Variants in OSBPL3 observed in about 807,000 individuals in gnomAD.
OSBPL3 encodes oxysterol-binding protein-related protein 3.
In OSBPL3, 65 loss-of-function variants were observed where a neutral mutation model predicts 120.1. The ratio of observed to expected loss-of-function variants is 0.54; its 90% CI spans 0.44 to 0.67. The LOEUF (loss-of-function observed/expected upper bound fraction) is 0.67, where lower values mean the gene tolerates loss of function less well. OSBPL3 is among the 30% of genes least tolerant of loss of function. OSBPL3 has a pLI of 0.00. For synonymous variants in OSBPL3, 416 were observed against 402.6 expected, an observed-to-expected ratio of 1.03 and a Z score of -0.40; for missense variants, 1,004 against 1,082.1, an observed-to-expected ratio of 0.93 and a Z score of 1.01.
intron 1 of OSBPL3, among the ~76,000 whole-genome samples, chr7:24,975,844 A>G (rs1468255786): frequency 2.6e-5 from 4 of 152,244 alleles, no homozygotes; most frequent in Non-Finnish European, 1.5e-5. Flanking sequence ...ATGCTGACAA[A>G]AGCAGTTTAT....
rs1022145560 is a variant in OSBPL3 at position 24,955,812 on chromosome 7, G to A, written c.-150+24074C>T. ...CACAAGGGGGCTTGACGCATTAGTA[G>A]GCATTCAATAAATATCTACAGAATG... is the stretch of plus-strand genomic sequence containing the variant. On this transcript the variant is annotated intron_variant, in intron 1 of 22. Transcript: ENST00000313367. The surrounding 1 kb of genome is among the most constrained non-coding windows in gnomAD (Gnocchi z 4.3). Among the ~76,000 whole-genome samples, 2 of 152,142 alleles carry A rather than the reference G, an allele frequency of 1.3e-5. No individual in the cohort carries two copies. Among genetic ancestry groups the A allele is most frequent in the African/African-American group, 4.8e-5 (2 of 41,414 alleles).
rs1267429834 is a variant in OSBPL3 at position 24,912,076 on chromosome 7, G to A, written c.-149-19455C>T. Among the ~76,000 whole-genome samples, 5 of 152,126 alleles carry A rather than the reference G, an allele frequency of 3.3e-5. No individual in the cohort carries two copies. The South Asian group carries it at 8.3e-4, about 25-fold the overall frequency. ...TCTTAATTGACACGGTAGGTAGTAGGTTATTTGTTTATCAAATTGATAACC... is the reference window on the plus strand; with the variant it reads ...TCTTAATTGACACGGTAGGTAGTAGATTATTTGTTTATCAAATTGATAACC... On this transcript the variant is annotated intron_variant, in intron 1 of 22. Transcript: ENST00000313367. The surrounding 1 kb of genome is among the most constrained non-coding windows in gnomAD (Gnocchi z 4.5).
In OSBPL3 at chr7:24,898,722, C is replaced by T. The variant is rs1806539991; in HGVS notation, c.-149-6101G>A. 6.6e-6 allele frequency among the ~76,000 whole-genome samples: 1 copy of T among 152,136 alleles called. No individual in the cohort carries two copies. The highest frequency in any genetic ancestry group is 2.1e-4 in the South Asian group (1 of 4,826). ...GGCTGGAACCATTTATTTGTCATCA[C>T]TGAGTAAACAAAACAACAAGCGCAA... is the stretch of plus-strand genomic sequence containing the variant. On this transcript the variant is annotated intron_variant, in intron 1 of 22. Transcript: ENST00000313367. This position sits in a 1 kb window ranked among gnomAD's most constrained non-coding sequence, Gnocchi z 4.3.
intron 11 of OSBPL3, among the ~76,000 whole-genome samples, chr7:24,850,550 G>C (rs1214099538): frequency 6.6e-6 from 1 of 152,154 alleles, no homozygotes; most frequent in Admixed American, 6.5e-5. Context: ...CTCCAACAGG[G>C]ATGCTGGCTT....
In OSBPL3 at chr7:24,913,121, C is replaced by T. The variant is rs1389224909; in HGVS notation, c.-149-20500G>A. Among the ~76,000 whole-genome samples, 7 of 152,180 alleles carry T rather than the reference C, an allele frequency of 4.6e-5. No homozygotes were observed. The highest frequency in any genetic ancestry group is 1.3e-4 in the Admixed American group (2 of 15,278). On this transcript the variant is annotated intron_variant, in intron 1 of 22. Coordinates refer to ENST00000313367, the MANE Select transcript of OSBPL3 (RefSeq NM_015550.4). The surrounding 1 kb of genome is among the most constrained non-coding windows in gnomAD (Gnocchi z 5.3). ...TCCAGCCTTCCTGCTGTCCCAGTTG[C>T]CAGTGAGTAGAGCAGAAACTATGTC...
chr7:24,889,703 T>G (rs1805055484), intron 2 of OSBPL3, among the ~76,000 whole-genome samples: 1 of 152,240 alleles, frequency 6.6e-6, no homozygotes, highest in Non-Finnish European at 1.5e-5. Context: ...TCCATTAGCC[T>G]GTTTCTGAGG....
At chr7:24,934,842 G>A (rs1439270036) in intron 1 of OSBPL3, among the ~76,000 whole-genome samples, 2 of 152,102 alleles carry the variant, frequency 1.3e-5, no homozygotes, top group African/African-American at 4.8e-5. Context: ...AGATGGAAAC[G>A]CCAGAAATTA....
At position 24,900,371 on chromosome 7, in the gene OSBPL3, G is replaced by A. The variant is rs1284639527; in HGVS notation, c.-149-7750C>T. Among the ~76,000 whole-genome samples, 2 of 152,176 alleles carry A rather than the reference G, an allele frequency of 1.3e-5. No homozygotes were observed. The highest frequency in any genetic ancestry group is 6.5e-5 in the Admixed American group (1 of 15,280). ...GTGATGTTTTTGTGACCAGAAATATGCCACAGGAAACATGCCATTGTTTTT... is the reference window on the plus strand; with the variant it reads ...GTGATGTTTTTGTGACCAGAAATATACCACAGGAAACATGCCATTGTTTTT... On this transcript the variant is annotated intron_variant, in intron 1 of 22. Coordinates refer to ENST00000313367, the MANE Select transcript of OSBPL3 (RefSeq NM_015550.4). The surrounding 1 kb of genome is among the most constrained non-coding windows in gnomAD (Gnocchi z 4.5).
intron 1 of OSBPL3, among the ~76,000 whole-genome samples, chr7:24,954,600 A>G (rs937911890): frequency 1.3e-5 from 2 of 152,096 alleles, no homozygotes; most frequent in Admixed American, 6.5e-5. Flanking sequence ...GTGGGGACAG[A>G]GGGGGCCAAG....
At position 24,913,578 on chromosome 7, in the gene OSBPL3, T is replaced by A. The variant is rs2128424721; in HGVS notation, c.-149-20957A>T. The stretch of plus-strand genomic sequence containing the variant: ...TATGTGTCTGATAGTGACAGACACA[T>A]CACAAAGTGACACTGGGAATCTAGG... On this transcript the variant is annotated intron_variant, in intron 1 of 22. Transcript: ENST00000313367. The surrounding 1 kb of genome is among the most constrained non-coding windows in gnomAD (Gnocchi z 5.3). Among the ~76,000 whole-genome samples, 1 of 152,070 alleles carries A rather than the reference T, an allele frequency of 6.6e-6. No individual in the cohort carries two copies. Among genetic ancestry groups the A allele is most frequent in the African/African-American group, 2.4e-5 (1 of 41,462 alleles).
intron 2 of OSBPL3, among the ~76,000 whole-genome samples, chr7:24,885,580 A>T (rs1395282366): frequency 2.6e-5 from 4 of 152,234 alleles, no homozygotes; most frequent in Admixed American, 2.6e-4. Flanking sequence ...CCCTGCAATC[A>T]TGAGTGAAGC....
At chr7:24,853,311 A>T (rs1044559585) in intron 10 of OSBPL3, among the ~76,000 whole-genome samples, 5 of 152,346 alleles carry the variant, frequency 3.3e-5, no homozygotes, top group African/African-American at 1.2e-4. Context: ...TAGGTAAAAT[A>T]GGCTGAAAAA....
chr7:24,896,497 TG>T lies in OSBPL3; in HGVS notation c.-149-3877del. Among the ~76,000 whole-genome samples the T allele has an allele frequency of 6.6e-6, 1 of 152,150 alleles. No individual in the cohort carries two copies. Among genetic ancestry groups the T allele is most frequent in the Admixed American group, 6.5e-5 (1 of 15,280 alleles). The stretch of plus-strand genomic sequence containing the variant: ...AGAGAACCCTGATTTCTACCCAGAA[TG>T]GGGAAGAATAAATGACCAACGCACT... On this transcript the variant is annotated intron_variant, in intron 1 of 22. Transcript: ENST00000313367. This position sits in a 1 kb window ranked among gnomAD's most constrained non-coding sequence, Gnocchi z 4.4.
chr7:24,849,039 G>C lies in OSBPL3; in HGVS notation c.1266+30C>G. 1 of 1,498,014 alleles carries C rather than the reference G, an allele frequency of 6.7e-7. No individual in the cohort carries two copies. Among genetic ancestry groups the C allele is most frequent in the Non-Finnish European group, 9.3e-7 (1 of 1,076,230 alleles). The allele number at this position is 1,498,014 out of a possible 1,614,324, so 92.8% of individuals were successfully genotyped here. A position where few individuals can be genotyped will look rare whatever the true frequency, so the allele number is the denominator to read the frequency against. The stretch of plus-strand genomic sequence containing the variant: ...ATCACGGGAGCGGGCGGCAGCTGGG[G>C]AGACATTACCAGACGAGAAACCTAC... On this transcript the variant is annotated intron_variant, in intron 12 of 22. Coordinates refer to ENST00000313367, the MANE Select transcript of OSBPL3 (RefSeq NM_015550.4). The surrounding 1 kb of genome is among the most constrained non-coding windows in gnomAD (Gnocchi z 5.4).
chr7:24,945,424 A>G (rs1455215521), intron 1 of OSBPL3, among the ~76,000 whole-genome samples: 1 of 152,246 alleles, frequency 6.6e-6, no homozygotes, highest in Non-Finnish European at 1.5e-5. Flanking sequence ...AATTGGAGAT[A>G]TATCAGTGAC....
chr7:24,936,590 C>T lies in OSBPL3; in HGVS notation c.-150+43296G>A, dbSNP rs1255384233. Among the ~76,000 whole-genome samples, 1 of 152,194 alleles carries T rather than the reference C, an allele frequency of 6.6e-6. No individual in the cohort carries two copies. The highest frequency in any genetic ancestry group is 1.5e-5 in the Non-Finnish European group (1 of 68,032). Reference sequence around the variant, plus strand: ...ACCCTAGCTGTGGGCCTTGAAACCTCCTATTTGGGCTTCTGCCAGGTGGCA... The same window carrying T: ...ACCCTAGCTGTGGGCCTTGAAACCTTCTATTTGGGCTTCTGCCAGGTGGCA... On this transcript the variant is annotated intron_variant, in intron 1 of 22. Coordinates refer to ENST00000313367, the MANE Select transcript of OSBPL3 (RefSeq NM_015550.4). The surrounding 1 kb of genome is among the most constrained non-coding windows in gnomAD (Gnocchi z 4.2).
intron 1 of OSBPL3, among the ~76,000 whole-genome samples, chr7:24,901,304 A>G (rs532740714): frequency 1.3e-5 from 2 of 151,662 alleles, no homozygotes; most frequent in Admixed American, 6.6e-5. Context: ...GTGAGCCCAG[A>G]TGGCGCCACT....
At position 24,871,773 on chromosome 7, in the gene OSBPL3, C is replaced by T; in HGVS notation, c.236G>A (p.Gly79Glu). The change falls in exon 4 of 23, where the codon GGA becomes GAA. Residue 79 changes from glycine (G) to glutamate (E), a missense_variant. By Grantham distance (98) the Gly-to-Glu change is moderately conservative (BLOSUM62 -2). Around this residue, in one of 4 missense-constraint regions of OSBPL3, gnomAD observed 255 missense variants for 248.7 expected, o/e 1.03. Transcript: ENST00000313367. The surrounding 1 kb of genome is among the most constrained non-coding windows in gnomAD (Gnocchi z 4.8). Reference sequence around the variant, plus strand: ...TTGGCTCTTGGCATATTTCAAGATTCCTTTGTCCAGATAGAAGAATCTCTG... The same window carrying T: ...TTGGCTCTTGGCATATTTCAAGATTTCTTTGTCCAGATAGAAGAATCTCTG... ...WHKRFFYLDKGILKYAKSQTD... is the reference protein window; with the variant it reads ...WHKRFFYLDKEILKYAKSQTD... The T allele has an allele frequency of 6.2e-7, 1 of 1,613,108 alleles. No individual in the cohort carries two copies. The highest frequency in any genetic ancestry group is 1.3e-5 in the African/African-American group (1 of 74,982).
At chr7:24,919,385 C>T (rs752627832) in intron 1 of OSBPL3, among the ~76,000 whole-genome samples, 5 of 151,972 alleles carry the variant, frequency 3.3e-5, no homozygotes, top group Admixed American at 2.0e-4. Context: ...TTTGGAAAAA[C>T]GGCCTAGATA....
Sources: allele counts gnomAD v4.1 joint callset (sites outside exome capture counted in the v4.1 genomes callset), GRCh38; gene constraint gnomAD v4.1.1; regional missense constraint gnomAD v4.1.1; non-coding constraint Gnocchi (gnomAD v3.1); transcripts MANE v1.5; gene names NCBI Gene and HGNC (gene_info 2026-07-23, HGNC 2026-07-21).